SLK: variants seen among roughly 807,000 people sequenced by gnomAD.
The protein encoded by SLK is STE20-like serine/threonine-protein kinase.
A neutral mutation model predicts 147.7 loss-of-function variants in SLK; 67 were observed. The ratio of observed to expected loss-of-function variants is 0.45; its 90% CI spans 0.37 to 0.56. The LOEUF is 0.56. SLK is among the 20% of genes least tolerant of loss of function. SLK has a pLI of 0.00. For missense variants in SLK, 1,136 were observed against 1,438.8 expected, an observed-to-expected ratio of 0.79 and a Z score of 3.41; for synonymous variants, 441 against 475.0, an observed-to-expected ratio of 0.93 and a Z score of 0.93.
chr10:104,000,271 G>T (rs1366816262), intron 7 of SLK, among the ~76,000 whole-genome samples: 2 of 152,190 alleles, frequency 1.3e-5, no homozygotes, highest in African/African-American at 4.8e-5. Context: ...GTCTTACAGT[G>T]AGGGTAAATA....
At position 104,001,522 on chromosome 10, in the gene SLK, GT is replaced by G; in HGVS notation, c.945del (p.Glu316LysfsTer91). 6.2e-7 allele frequency: 1 copy of G among 1,613,988 alleles called. No homozygotes were observed. The highest frequency in any genetic ancestry group is 1.1e-5 in the South Asian group (1 of 91,064). On this transcript the variant is annotated frameshift_variant, in exon 8 of 19. Transcript: ENST00000369755. LOFTEE classifies it high-confidence loss of function. Reference sequence around the variant, plus strand: ...GGCGAAGGCTGAAGTAACAGAAGAAGTTGAAGATGGCAAAGAGGAAGATGAA... The same window carrying G: ...GGCGAAGGCTGAAGTAACAGAAGAAGTGAAGATGGCAAAGAGGAAGATGAA... ...AEAKAEVTEE[V>X]EDGKEEDEEE... is the part of the protein sequence containing the mutation.
Position 104,021,631 on chromosome 10 carries a change from C to T in SLK, c.3459C>T (p.Cys1153=). 1 of 1,585,572 alleles carries T rather than the reference C, an allele frequency of 6.3e-7. No homozygotes were observed. Among genetic ancestry groups the T allele is most frequent in the Non-Finnish European group, 8.6e-7 (1 of 1,168,906 alleles). The change falls in exon 18 of 19, where the codon TGC becomes TGT. Residue 1153 remains cysteine, a synonymous_variant. Coordinates refer to ENST00000369755, the MANE Select transcript of SLK (RefSeq NM_014720.4). The part of the protein sequence containing the change: ...RELHQLQNEK[C]HLLVEHETQK... ...AACTTTATTTTCAGAATGAAAAATG[C>T]CACTTGTTGGTTGAGCATGAGACTC... is the stretch of plus-strand genomic sequence containing the variant.
At chr10:103,993,281 G>A (rs948338349) in intron 4 of SLK, 148 bp downstream of exon 4, 3 of 469,400 alleles carry the variant, frequency 6.4e-6, no homozygotes, top group East Asian at 3.5e-5. Flanking sequence ...CACTTTTTTA[G>A]GTAAATACTC....
At chr10:104,003,867 T>C (rs1426647823) in intron 9 of SLK, among the ~76,000 whole-genome samples, 1 of 152,214 alleles carries the variant, frequency 6.6e-6, no homozygotes, top group Non-Finnish European at 1.5e-5. Flanking sequence ...AAGAATGATG[T>C]CTTTTTAAGC....
At chr10:104,015,448 C>G (rs945772938) in intron 13 of SLK, among the ~76,000 whole-genome samples, 9 of 152,164 alleles carry the variant, frequency 5.9e-5, no homozygotes, top group African/African-American at 2.2e-4. Flanking sequence ...GTTTCTGAAC[C>G]CTTTATTCCC....
intron 5 of SLK, 30 bp from the exon 6 acceptor site, chr10:103,999,089 A>G (rs771108940): frequency 2.5e-6 from 4 of 1,584,630 alleles, no homozygotes; most frequent in Non-Finnish European, 3.4e-6. Flanking sequence ...GTTCTTAAAC[A>G]TGTTAACTTT....
chr10:104,018,156 A>G lies in SLK; in HGVS notation c.2878-4A>G. 1.3e-6 allele frequency: 2 copies of G among 1,594,196 alleles called. No individual in the cohort carries two copies. The highest frequency in any genetic ancestry group is 1.1e-5 in the South Asian group (1 of 87,298). On this transcript the variant is annotated splice_region_variant and splice_polypyrimidine_tract_variant and intron_variant, in intron 13 of 18. Transcript: ENST00000369755. ...ATTAACTGACAATTAACTGTTTTTAATAGGAACAAGAGTTTGTTCAGAAAC... is the reference window on the plus strand; with the variant it reads ...ATTAACTGACAATTAACTGTTTTTAGTAGGAACAAGAGTTTGTTCAGAAAC...
At chr10:103,982,855 G>A (rs900451875) in intron 1 of SLK, among the ~76,000 whole-genome samples, 1 of 152,220 alleles carries the variant, frequency 6.6e-6, no homozygotes, top group African/African-American at 2.4e-5. Flanking sequence ...GCAGTGTAGT[G>A]AAGTGCAAGA....
intron 9 of SLK, 81 bp from the exon 10 acceptor site, chr10:104,005,480 G>T (rs956193018): frequency 3.1e-6 from 4 of 1,303,664 alleles, no homozygotes; most frequent in South Asian, 1.4e-5. Context: ...AAAAAAGAAA[G>T]AAATGTTTAA....
chr10:103,985,660 A>G (rs1238526935), intron 1 of SLK, among the ~76,000 whole-genome samples: 2 of 152,166 alleles, frequency 1.3e-5, no homozygotes, highest in African/African-American at 4.8e-5. Flanking sequence ...GTGGGACTGA[A>G]ATCATCTCTG....
At chr10:104,025,026 A>T (rs1032288051) in intron 18 of SLK, among the ~76,000 whole-genome samples, 1 of 152,212 alleles carries the variant, frequency 6.6e-6, no homozygotes, top group Non-Finnish European at 1.5e-5. Flanking sequence ...AGACATTCAC[A>T]TCACAATGGT....
chr10:103,998,468 G>A (rs1844203772), intron 4 of SLK, among the ~76,000 whole-genome samples: 1 of 152,026 alleles, frequency 6.6e-6, no homozygotes, highest in Non-Finnish European at 1.5e-5. Context: ...AATTTTATGA[G>A]GAATTTAGCA....
rs77493097 is a variant in SLK, at chr10:103,992,934, T to G, written c.365-50T>G. ...CAGAAAGGTATATAGCCTGCTAATA[T>G]GTTTTCACTGTATAAAAAGCAGATT... On this transcript the variant is annotated intron_variant, in intron 3 of 18. Coordinates refer to ENST00000369755, the MANE Select transcript of SLK (RefSeq NM_014720.4). The G allele has an allele frequency of 1.1e-4, 158 of 1,381,156 alleles. No homozygotes were observed. The African/African-American group carries it at 2.1e-3, about 18-fold the overall frequency. The allele number at this position is 1,381,156 out of a possible 1,614,324, so 85.6% of individuals were successfully genotyped here. A position where few individuals can be genotyped will look rare whatever the true frequency, so the allele number is the denominator to read the frequency against.
chr10:103,983,673 T>G (rs1251738462), intron 1 of SLK, among the ~76,000 whole-genome samples: 1 of 152,084 alleles, frequency 6.6e-6, no homozygotes, highest in African/African-American at 2.4e-5. Context: ...AGAGGTTTTT[T>G]TTTTTTTTGC....
chr10:104,018,520 T>C (rs548889376), intron 14 of SLK, among the ~76,000 whole-genome samples: 1 of 152,328 alleles, frequency 6.6e-6, no homozygotes, highest in Non-Finnish European at 1.5e-5. Context: ...CTTAGATTTT[T>C]TTTTCTTTCT....
chr10:104,019,020 T>A, intron 15 of SLK, 112 bp downstream of exon 15: 2 of 1,057,090 alleles, frequency 1.9e-6, no homozygotes, highest in Non-Finnish European at 2.7e-6. Flanking sequence ...CCTTTCTGTC[T>A]TTTATCCTAC....
intron 1 of SLK, among the ~76,000 whole-genome samples, chr10:103,983,882 C>T (rs950574101): frequency 1.3e-5 from 2 of 152,206 alleles, no homozygotes; most frequent in Non-Finnish European, 2.9e-5. Flanking sequence ...GCACTCTGTC[C>T]TCAGAGGTCC....
intron 13 of SLK, among the ~76,000 whole-genome samples, chr10:104,015,995 T>C (rs940205607): frequency 4.6e-5 from 7 of 152,176 alleles, no homozygotes; most frequent in South Asian, 2.1e-4. Flanking sequence ...GCAGGTTATG[T>C]TGTTTATTGA....
chr10:103,986,591 G>A (rs1292096256), intron 1 of SLK, among the ~76,000 whole-genome samples: 2 of 152,074 alleles, frequency 1.3e-5, no homozygotes, highest in Non-Finnish European at 2.9e-5. Context: ...CTAACAGGCC[G>A]TGGACTGGTA....
Sources: allele counts gnomAD v4.1 joint callset (sites outside exome capture counted in the v4.1 genomes callset), GRCh38; gene constraint gnomAD v4.1.1; transcripts MANE v1.5; gene names NCBI Gene and HGNC (gene_info 2026-07-23, HGNC 2026-07-21).